The following PIWIL1 variants were observed in gnomAD, a reference collection of about 807,000 sequenced individuals.
PIWIL1 encodes piwi like RNA-mediated gene silencing 1.
Under a neutral mutation model 114.4 loss-of-function variants are expected in PIWIL1, and 73 were observed. The observed-to-expected ratio is 0.64, with a 90% CI of 0.53 to 0.78. The LOEUF is 0.78. Ranked by LOEUF, PIWIL1 falls within the 30% of genes least tolerant of loss-of-function variation. The pLI, the probability that PIWIL1 is intolerant of heterozygous loss-of-function variation, is 0.00. For missense variants in PIWIL1, 723 were observed against 1,063.1 expected (o/e 0.68, Z 4.45); for synonymous variants, 375 against 369.0 (o/e 1.02, Z -0.19).
chr12:130,371,834 T>C lies in PIWIL1; in HGVS notation c.*236T>C. On this transcript the variant is annotated 3_prime_UTR_variant, in exon 21 of 21. Coordinates refer to ENST00000245255, the MANE Select transcript of PIWIL1 (RefSeq NM_004764.5). The stretch of plus-strand genomic sequence containing the variant: ...TCATAGATATTTTGTGAGCATTTTT[T>C]TGTTTATTTTGAAGAAATGTGGATA... 3.5e-6 allele frequency: 1 copy of C among 282,186 alleles called. No individual in the cohort carries two copies. Among genetic ancestry groups the C allele is most frequent in the Non-Finnish European group, 6.6e-6 (1 of 151,670 alleles). 17.5% of individuals were successfully genotyped at this position (282,186 alleles called of 1,614,324 possible).
At chr12:130,376,347 A>G (rs965978878), downstream of PIWIL1, among the ~76,000 whole-genome samples, 1 of 152,268 alleles carries the variant, frequency 6.6e-6, no homozygotes, top group Admixed American at 6.5e-5. Context: ...CTGTCAGCAC[A>G]TGACGTGTAG....
the PIWIL1 span, among the ~76,000 whole-genome samples, chr12:130,417,448 A>G: frequency 7.9e-5 from 12 of 152,232 alleles, no homozygotes; most frequent in Admixed American, 2.6e-4. Flanking sequence ...ACTGGAGGCC[A>G]TCATCCCAAG....
chr12:130,344,402 T>C (rs1478297426), intron 3 of PIWIL1, among the ~76,000 whole-genome samples: 5 of 151,982 alleles, frequency 3.3e-5, no homozygotes, highest in Non-Finnish European at 7.4e-5. Context: ...CTCCAAATCA[T>C]GAGGTACAGA....
the PIWIL1 span, among the ~76,000 whole-genome samples, chr12:130,402,227 G>C: frequency 1.3e-5 from 2 of 152,168 alleles, no homozygotes; most frequent in African/African-American, 4.8e-5. Flanking sequence ...TGTTTGGAGA[G>C]GCTCAGAGGT....
chr12:130,355,905 C>G (rs1193716429), intron 12 of PIWIL1, among the ~76,000 whole-genome samples: 6 of 152,184 alleles, frequency 3.9e-5, no homozygotes, highest in Admixed American at 2.6e-4. Flanking sequence ...CACATCCACT[C>G]TCTATCAACC....
intron 3 of PIWIL1, among the ~76,000 whole-genome samples, chr12:130,343,751 G>A (rs113196020): frequency 0.014 from 2,165 of 150,532 alleles, 49 homozygotes; most frequent in African/African-American, 0.048. Context: ...TCAGCCTCCC[G>A]AGTAGCTGGG....
At chr12:130,404,101 T>C in the PIWIL1 span, among the ~76,000 whole-genome samples, 1 of 152,134 alleles carries the variant, frequency 6.6e-6, no homozygotes. Context: ...ATTATAAATA[T>C]TGGTGAAGAG....
intron 9 of PIWIL1, among the ~76,000 whole-genome samples, chr12:130,353,035 T>C (rs915417666): frequency 7.9e-5 from 12 of 152,206 alleles, no homozygotes; most frequent in African/African-American, 2.9e-4. Context: ...GGGCTTGTAG[T>C]AGGTGGCCAG....
At chr12:130,394,013 C>T in the PIWIL1 span, among the ~76,000 whole-genome samples, 11 of 152,272 alleles carry the variant, frequency 7.2e-5, no homozygotes, top group South Asian at 1.9e-3. Context: ...TCCTTATTGA[C>T]GTCTTTGGGG....
chr12:130,401,186 G>T, the PIWIL1 span, among the ~76,000 whole-genome samples: 3 of 152,116 alleles, frequency 2.0e-5, no homozygotes, highest in African/African-American at 7.2e-5. Flanking sequence ...CGTGATCTCG[G>T]CTCACTGCCA....
At chr12:130,389,548 T>G in the PIWIL1 span, among the ~76,000 whole-genome samples, 1 of 152,164 alleles carries the variant, frequency 6.6e-6, no homozygotes. Flanking sequence ...TATTTTTTTC[T>G]GGGTTTTCTA....
the PIWIL1 span, chr12:130,399,561 AT>A: frequency 6.6e-6 from 8 of 1,211,576 alleles, no homozygotes; most frequent in Middle Eastern, 6.6e-4. Flanking sequence ...GAGAAAAAAA[AT>A]TCAGGGTGTA....
chr12:130,417,268 C>T, the PIWIL1 span, among the ~76,000 whole-genome samples: 1 of 152,120 alleles, frequency 6.6e-6, no homozygotes, highest in Non-Finnish European at 1.5e-5. Context: ...AGTCGTTTCA[C>T]CAAAAAGACA....
chr12:130,424,298 G>A, the PIWIL1 span: 258 of 1,231,576 alleles, frequency 2.1e-4, no homozygotes, highest in Non-Finnish European at 2.3e-4. This position sits in a 1 kb window ranked among gnomAD's most constrained non-coding sequence, Gnocchi z 9.8. Context: ...TCTCCGGGCC[G>A]GGCTGGGGGT....
the PIWIL1 span, among the ~76,000 whole-genome samples, chr12:130,395,611 T>C: frequency 6.6e-6 from 1 of 152,172 alleles, no homozygotes; most frequent in Non-Finnish European, 1.5e-5. Context: ...ATACTGTAGG[T>C]AAAAAGATAT....
At chr12:130,417,868 A>AG in the PIWIL1 span, among the ~76,000 whole-genome samples, 1 of 146,306 alleles carries the variant, frequency 6.8e-6, no homozygotes, top group African/African-American at 2.4e-5. Context: ...AGAGAATGGG[A>AG]GGGGAGAGGG....
downstream of PIWIL1, among the ~76,000 whole-genome samples, chr12:130,376,858 G>T (rs541003916): frequency 1.1e-4 from 16 of 152,320 alleles, no homozygotes; most frequent in South Asian, 3.3e-3. Flanking sequence ...GGAACACAGA[G>T]TCGTTGCCAG....
the PIWIL1 span, among the ~76,000 whole-genome samples, chr12:130,421,807 T>C: frequency 1.3e-5 from 2 of 152,138 alleles, no homozygotes; most frequent in Non-Finnish European, 2.9e-5. Context: ...CTCCTTGCCA[T>C]GATTGATTCC....
the PIWIL1 span, among the ~76,000 whole-genome samples, chr12:130,390,431 G>A: frequency 1.2e-4 from 19 of 152,128 alleles, no homozygotes; most frequent in African/African-American, 3.4e-4. Flanking sequence ...ACAGGCCAGC[G>A]TCATAAAAAT....
Sources: allele counts gnomAD v4.1 joint callset (sites outside exome capture counted in the v4.1 genomes callset), GRCh38; gene constraint gnomAD v4.1.1; non-coding constraint Gnocchi (gnomAD v3.1); transcripts MANE v1.5; gene names NCBI Gene and HGNC (gene_info 2026-07-23, HGNC 2026-07-21).